The following CDH8 variants were observed in gnomAD, a reference collection of about 807,000 sequenced individuals.
The protein encoded by CDH8 is cadherin-8.
A neutral mutation model predicts 68.1 loss-of-function variants in CDH8; 17 were observed. The observed-to-expected ratio is 0.25, with a 90% CI of 0.17 to 0.37. The LOEUF (loss-of-function observed/expected upper bound fraction) is 0.37, where lower values mean the gene tolerates loss of function less well. Among genes scored for constraint, CDH8 ranks in the 10% least tolerant of loss-of-function variants. CDH8 has a pLI of 1.00. For missense variants in CDH8, 763 were observed against 999.3 expected (o/e 0.76, Z 3.19); for synonymous variants, 372 against 365.1 (o/e 1.02, Z -0.21).
chr16:61,884,160 C>T (rs1051492616), intron 3 of CDH8, among the ~76,000 whole-genome samples: 7 of 152,058 alleles, frequency 4.6e-5, no homozygotes, highest in African/African-American at 1.7e-4. Flanking sequence ...GAGCTAGGTA[C>T]AACTGACCTT....
Position 61,695,035 on chromosome 16 carries a change from C to T in CDH8, c.1654+18806G>A, listed in dbSNP as rs147650352. On this transcript the variant is annotated intron_variant, in intron 10 of 11. Transcript: ENST00000577390. ...GACCGCGTGATCCCCCGCCTCAGCC[C>T]CTCAAAGTGCTGGGATTATAGGCAT... is the stretch of plus-strand genomic sequence containing the variant. Among the ~76,000 whole-genome samples, 742 of 152,036 alleles carry T rather than the reference C, an allele frequency of 4.9e-3. 7 individuals carry two copies. The highest frequency in any genetic ancestry group is 0.017 in the African/African-American group (712 of 41,480).
At chr16:61,964,095 T>C (rs1272170415) in intron 2 of CDH8, among the ~76,000 whole-genome samples, 1 of 152,210 alleles carries the variant, frequency 6.6e-6, no homozygotes, top group Non-Finnish European at 1.5e-5. Flanking sequence ...TATTATATCA[T>C]AGGCCAATAG....
intron 8 of CDH8, among the ~76,000 whole-genome samples, chr16:61,774,470 A>AG (rs1298613102): frequency 6.6e-6 from 1 of 151,802 alleles, no homozygotes; most frequent in Non-Finnish European, 1.5e-5. Context: ...AAAAAAAAAA[A>AG]AAAAAAAGAC....
At chr16:61,906,652 A>G (rs763392912) in intron 2 of CDH8, among the ~76,000 whole-genome samples, 11 of 152,202 alleles carry the variant, frequency 7.2e-5, no homozygotes, top group Non-Finnish European at 2.9e-5. Flanking sequence ...TCCTCTGCCT[A>G]GTAAGGTATC....
At position 62,000,916 on chromosome 16, in the gene CDH8, T is replaced by C. The variant is rs139598375; in HGVS notation, c.252+20236A>G. 3.9e-5 allele frequency among the ~76,000 whole-genome samples: 6 copies of C among 152,322 alleles called. No homozygotes were observed. In the East Asian group the frequency reaches 7.7e-4, roughly 20 times the overall value. ...ATTAATGAATAATAAAAATTTGCATTATCATTATAGTTAACAATTACATAG... is the reference window on the plus strand; with the variant it reads ...ATTAATGAATAATAAAAATTTGCATCATCATTATAGTTAACAATTACATAG... On this transcript the variant is annotated intron_variant, in intron 2 of 11. Coordinates refer to ENST00000577390, the MANE Select transcript of CDH8 (RefSeq NM_001796.5).
intron 2 of CDH8, among the ~76,000 whole-genome samples, chr16:62,001,039 G>C (rs1182024195): frequency 6.6e-6 from 1 of 152,128 alleles, no homozygotes; most frequent in African/African-American, 2.4e-5. Context: ...GTCAAATAAT[G>C]GTAACTGCTG....
chr16:61,742,409 C>T (rs144423980), intron 8 of CDH8, among the ~76,000 whole-genome samples: 129 of 152,094 alleles, frequency 8.5e-4, no homozygotes, highest in East Asian at 4.6e-3. Flanking sequence ...TGGTAGACAA[C>T]TTCATCTCAT....
intron 2 of CDH8, among the ~76,000 whole-genome samples, chr16:62,002,533 T>A (rs1965909308): frequency 6.6e-6 from 1 of 152,190 alleles, no homozygotes; most frequent in Non-Finnish European, 1.5e-5. Flanking sequence ...ATTGCAAGCA[T>A]AAAAGTACTC....
intron 10 of CDH8, among the ~76,000 whole-genome samples, chr16:61,683,301 G>A (rs1435364421): frequency 2.6e-5 from 4 of 151,982 alleles, no homozygotes; most frequent in Admixed American, 1.3e-4. Flanking sequence ...AAATAGTTCT[G>A]CATATATAAA....
intron 2 of CDH8, among the ~76,000 whole-genome samples, chr16:61,934,572 A>C (rs569600320): frequency 6.6e-6 from 1 of 152,340 alleles, no homozygotes; most frequent in African/African-American, 2.4e-5. Flanking sequence ...GGGAAAATAT[A>C]AAGTCAAAAC....
At chr16:61,901,026 T>C in intron 3 of CDH8, 153 bp downstream of exon 3, 1 of 648,646 alleles carries the variant, frequency 1.5e-6, no homozygotes, top group Non-Finnish European at 2.7e-6. Flanking sequence ...GCTACTGAGC[T>C]GTGGAACTTA....
intron 8 of CDH8, among the ~76,000 whole-genome samples, chr16:61,774,169 G>A (rs578209578): frequency 3.3e-5 from 5 of 152,044 alleles, no homozygotes; most frequent in South Asian, 2.1e-4. Flanking sequence ...ACTGATAAAC[G>A]GGCTTGTTGG....
chr16:61,754,484 T>A (rs142378353), intron 8 of CDH8, among the ~76,000 whole-genome samples: 1 of 151,988 alleles, frequency 6.6e-6, no homozygotes, highest in Admixed American at 6.6e-5. Flanking sequence ...CAGAAGCCAT[T>A]TTTTGTTTTT....
intron 7 of CDH8, among the ~76,000 whole-genome samples, chr16:61,790,977 A>G (rs1961364141): frequency 6.6e-6 from 1 of 151,942 alleles, no homozygotes; most frequent in South Asian, 2.1e-4. Context: ...TCATTGTAAA[A>G]AGAACTTCTT....
chr16:62,002,977 G>A (rs939872796), intron 2 of CDH8, among the ~76,000 whole-genome samples: 40 of 152,088 alleles, frequency 2.6e-4, no homozygotes, highest in African/African-American at 3.9e-4. Flanking sequence ...GGCGTGAACC[G>A]GAAGGCGGAA....
chr16:61,890,131 G>C (rs963786275), intron 3 of CDH8, among the ~76,000 whole-genome samples: 3 of 152,082 alleles, frequency 2.0e-5, no homozygotes, highest in African/African-American at 7.2e-5. Flanking sequence ...TTTTTAGAGA[G>C]GAAAACCAAT....
chr16:61,862,382 T>C (rs931468998), intron 3 of CDH8, among the ~76,000 whole-genome samples: 4 of 152,198 alleles, frequency 2.6e-5, no homozygotes, highest in African/African-American at 9.6e-5. Context: ...GCATTTTGAA[T>C]GAATGCCATA....
intron 10 of CDH8, among the ~76,000 whole-genome samples, chr16:61,691,509 C>T (rs1964222290): frequency 6.6e-6 from 1 of 151,860 alleles, no homozygotes; most frequent in Non-Finnish European, 1.5e-5. Context: ...GCTTGAGATC[C>T]ATTTGTCTGG....
chr16:61,736,844 AC>A (rs1959701030), intron 8 of CDH8, among the ~76,000 whole-genome samples: 1 of 152,188 alleles, frequency 6.6e-6, no homozygotes, highest in South Asian at 2.1e-4. Flanking sequence ...CATCTGATAT[AC>A]AAACACTAAA....
Sources: gnomAD v4.1 joint callset for allele counts (sites outside exome capture counted in the v4.1 genomes callset) on GRCh38, gnomAD v4.1.1 for gene constraint, MANE v1.5 for transcripts, NCBI Gene and HGNC (gene_info 2026-07-23, HGNC 2026-07-21) for gene names.